SLC1A6: variants seen among roughly 807,000 people sequenced by gnomAD.
SLC1A6 encodes the protein solute carrier family 1 member 6.
A neutral mutation model predicts 42.1 loss-of-function variants in SLC1A6; 15 were observed. The ratio of observed to expected loss-of-function variants is 0.36; its 90% confidence interval spans 0.24 to 0.55. The LOEUF is 0.55. SLC1A6 is among the 20% of genes least tolerant of loss of function. SLC1A6 has a pLI of 0.88. For synonymous variants in SLC1A6, 317 were observed against 319.7 expected (o/e 0.99, Z 0.09); for missense variants, 542 against 772.5 (o/e 0.70, Z 3.54).
chr19:14,963,676 T>C (rs374292114), intron 5 of SLC1A6, among the ~76,000 whole-genome samples: 8 of 152,166 alleles, frequency 5.3e-5, no homozygotes, highest in African/African-American at 1.9e-4. Flanking sequence ...GGAAGTAGTA[T>C]AGATTCTGAA....
intron 8 of SLC1A6, among the ~76,000 whole-genome samples, 164 bp from the exon 9 acceptor site, chr19:14,953,226 C>T (rs571647774): frequency 6.7e-6 from 1 of 150,356 alleles, no homozygotes; most frequent in Non-Finnish European, 1.5e-5. Flanking sequence ...TGCCTCGCCT[C>T]GCCTCGCCTC....
chr19:14,963,593 T>C (rs2045540155), intron 5 of SLC1A6, among the ~76,000 whole-genome samples: 1 of 152,182 alleles, frequency 6.6e-6, no homozygotes, highest in South Asian at 2.1e-4. Context: ...AATTTGAACA[T>C]AAATAAATTA....
At chr19:14,966,005 T>C (rs979213229) in intron 4 of SLC1A6, among the ~76,000 whole-genome samples, 9 of 151,480 alleles carry the variant, frequency 5.9e-5, no homozygotes, top group African/African-American at 2.2e-4. Flanking sequence ...ACATACAGAG[T>C]GATATAATGG....
intron 1 of SLC1A6, among the ~76,000 whole-genome samples, chr19:15,000,736 A>G (rs1321082331): frequency 6.6e-6 from 1 of 152,158 alleles, no homozygotes; most frequent in African/African-American, 2.4e-5. Context: ...TTCACACGGC[A>G]TTGTCCCCAT....
intron 1 of SLC1A6, among the ~76,000 whole-genome samples, chr19:15,004,470 G>A (rs1296197482): frequency 6.6e-6 from 1 of 150,380 alleles, no homozygotes; most frequent in Non-Finnish European, 1.5e-5. Context: ...GAGAGGGTGA[G>A]GCAGGAGGAT....
intron 6 of SLC1A6, among the ~76,000 whole-genome samples, chr19:14,960,442 T>C (rs1245421760): frequency 1.3e-5 from 2 of 152,098 alleles, no homozygotes; most frequent in African/African-American, 4.8e-5. Flanking sequence ...GAAGAATGAA[T>C]AGATGAATAA....
intron 1 of SLC1A6, among the ~76,000 whole-genome samples, chr19:14,986,726 G>A (rs1357860194): frequency 1.3e-5 from 2 of 151,882 alleles, no homozygotes; most frequent in Admixed American, 1.3e-4. Context: ...GAGTAGCTGG[G>A]AATACAGGTG....
At chr19:14,993,983 A>T (rs11085931) in intron 1 of SLC1A6, among the ~76,000 whole-genome samples, 128,805 of 151,826 alleles carry the variant, frequency 0.85, 54,689 homozygotes, top group East Asian at 0.92. Flanking sequence ...GAGCACTAGA[A>T]GCTAGCGGGC....
intron 1 of SLC1A6, among the ~76,000 whole-genome samples, chr19:14,989,027 G>A (rs2045805910): frequency 6.6e-6 from 1 of 152,076 alleles, no homozygotes; most frequent in Non-Finnish European, 1.5e-5. Context: ...TTTAAAAAAA[G>A]AAGGAAGAAA....
intron 1 of SLC1A6, among the ~76,000 whole-genome samples, chr19:15,006,531 C>T (rs2045896439): frequency 6.6e-6 from 1 of 152,016 alleles, no homozygotes; most frequent in African/African-American, 2.4e-5. Flanking sequence ...GCTGGTTGCC[C>T]ATCTTATTCC....
intron 7 of SLC1A6, among the ~76,000 whole-genome samples, chr19:14,955,452 G>A (rs1475511268): frequency 6.6e-6 from 1 of 151,106 alleles, no homozygotes; most frequent in African/African-American, 2.4e-5. Context: ...AAACTTAGCC[G>A]GGAGGGCTAA....
In SLC1A6 at chr19:14,971,836, T is replaced by C; in HGVS notation, c.244A>G (p.Thr82Ala). Residue 82 changes from threonine (T) to alanine (A), a missense_variant, in exon 3 of 10, where the codon ACC becomes GCC. Physicochemically the swap from Thr to Ala is moderately conservative, Grantham distance 58. Coordinates refer to ENST00000594383, the MANE Select transcript of SLC1A6 (RefSeq NM_005071.3). ...LAFALRPYQL[T>A]YRQIKYFSFP... ...GAGAAGTACTTGATCTGGCGGTAGG[T>C]GAGCTGATATGGGCGCAGGGCAAAG... The C allele has an allele frequency of 6.2e-7, 1 of 1,613,936 alleles. No individual in the cohort carries two copies. Among genetic ancestry groups the C allele is most frequent in the African/African-American group, 1.3e-5 (1 of 75,028 alleles).
At chr19:14,950,787 C>A (rs2045403422) in intron 9 of SLC1A6, among the ~76,000 whole-genome samples, 1 of 151,752 alleles carries the variant, frequency 6.6e-6, no homozygotes, top group Non-Finnish European at 1.5e-5. Context: ...CATAGAATAA[C>A]TTTAAAACAC....
chr19:14,957,886 A>G (rs1488825087), intron 6 of SLC1A6, among the ~76,000 whole-genome samples: 1 of 152,206 alleles, frequency 6.6e-6, no homozygotes, highest in Non-Finnish European at 1.5e-5. Context: ...TGCAGGCACA[A>G]TGCAGACTCT....
chr19:14,991,878 C>T (rs988113365), intron 1 of SLC1A6, among the ~76,000 whole-genome samples: 1 of 150,410 alleles, frequency 6.6e-6, no homozygotes, highest in Non-Finnish European at 1.5e-5. Flanking sequence ...TGCTCTGTCA[C>T]GCAGTGGCGT....
intron 6 of SLC1A6, among the ~76,000 whole-genome samples, chr19:14,957,845 G>A (rs887328303): frequency 6.6e-6 from 1 of 152,210 alleles, no homozygotes; most frequent in Non-Finnish European, 1.5e-5. Context: ...TGCATGATGA[G>A]AAGGTACCCT....
intron 1 of SLC1A6, among the ~76,000 whole-genome samples, chr19:14,993,553 G>A (rs1224152360): frequency 6.6e-6 from 1 of 152,176 alleles, no homozygotes; most frequent in Non-Finnish European, 1.5e-5. Flanking sequence ...GAGGCCTGGT[G>A]CCACCCTGGC....
At chr19:14,966,858 A>G (rs2045579209) in intron 4 of SLC1A6, among the ~76,000 whole-genome samples, 1 of 151,884 alleles carries the variant, frequency 6.6e-6, no homozygotes, top group African/African-American at 2.4e-5. Flanking sequence ...AGGGAACATC[A>G]CACCCTGGGG....
chr19:14,997,733 A>G (rs1263868837), intron 1 of SLC1A6, among the ~76,000 whole-genome samples: 1 of 152,210 alleles, frequency 6.6e-6, no homozygotes, highest in Non-Finnish European at 1.5e-5. Context: ...GGGCTGCCAT[A>G]ACAAATCACA....
Sources: gnomAD v4.1 joint callset for allele counts (sites outside exome capture counted in the v4.1 genomes callset) on GRCh38, gnomAD v4.1.1 for gene constraint, MANE v1.5 for transcripts, NCBI Gene and HGNC (gene_info 2026-07-23, HGNC 2026-07-21) for gene names.